The following ROBO2 variants were observed in gnomAD, a reference collection of about 807,000 sequenced individuals.
ROBO2 encodes roundabout homolog 2.
Under a neutral mutation model 160.8 loss-of-function variants are expected in ROBO2, and 53 were observed. The ratio of observed to expected loss-of-function variants is 0.33; its 90% CI spans 0.26 to 0.41. The LOEUF is 0.41. ROBO2 is among the 10% of genes least tolerant of loss of function. ROBO2 has a pLI of 1.00. For missense variants in ROBO2, 1,577 were observed against 1,722.4 expected, an observed-to-expected ratio of 0.92 and a Z score of 1.49; for synonymous variants, 664 against 611.7, an observed-to-expected ratio of 1.09 and a Z score of -1.26.
intron 2 of ROBO2, among the ~76,000 whole-genome samples, chr3:76,918,183 A>G (rs141800495): frequency 1.6e-3 from 247 of 152,292 alleles, no homozygotes; most frequent in African/African-American, 2.5e-3. Context: ...AATAATCCCC[A>G]TGTATCAAGG....
chr3:76,754,574 C>T (rs560866478), intron 2 of ROBO2, among the ~76,000 whole-genome samples: 1 of 151,954 alleles, frequency 6.6e-6, no homozygotes, highest in South Asian at 2.1e-4. Flanking sequence ...AGTCTGATTA[C>T]TTGTGGTAAT....
At chr3:76,047,875 G>A (rs2067503213) in intron 2 of ROBO2, among the ~76,000 whole-genome samples, 1 of 152,090 alleles carries the variant, frequency 6.6e-6, no homozygotes, top group Non-Finnish European at 1.5e-5. Flanking sequence ...ATATCAGTAA[G>A]GTTATCTTAC....
At chr3:76,543,761 A>G (rs987670556) in intron 2 of ROBO2, among the ~76,000 whole-genome samples, 9 of 151,998 alleles carry the variant, frequency 5.9e-5, no homozygotes, top group African/African-American at 2.2e-4. Context: ...AAATACTACC[A>G]CATCTTCTCA....
At chr3:76,117,074 G>A (rs1317754600) in intron 2 of ROBO2, among the ~76,000 whole-genome samples, 1 of 152,142 alleles carries the variant, frequency 6.6e-6, no homozygotes, top group African/African-American at 2.4e-5. Context: ...TTGGCTATTA[G>A]CCAAGACACT....
At chr3:76,932,768 T>C (rs999781118) in intron 2 of ROBO2, among the ~76,000 whole-genome samples, 10 of 152,154 alleles carry the variant, frequency 6.6e-5, no homozygotes, top group African/African-American at 2.4e-4. Context: ...TTTCACATGT[T>C]CACTACCAAC....
intron 1 of ROBO2, among the ~76,000 whole-genome samples, chr3:77,046,907 A>T (rs1232452576): frequency 6.6e-6 from 1 of 150,614 alleles, no homozygotes; most frequent in Non-Finnish European, 1.5e-5. Flanking sequence ...TTGGTAGGGA[A>T]GGTACCAAAT....
chr3:77,158,561 G>C (rs530713026), intron 2 of ROBO2, among the ~76,000 whole-genome samples: 1 of 152,040 alleles, frequency 6.6e-6, no homozygotes, highest in South Asian at 2.1e-4. Flanking sequence ...AATAGGGCCA[G>C]GGGATAAATA....
intron 2 of ROBO2, among the ~76,000 whole-genome samples, chr3:77,349,033 G>C (rs1035473100): frequency 3.9e-5 from 6 of 151,916 alleles, no homozygotes; most frequent in African/African-American, 1.5e-4. Flanking sequence ...TTCCTGCCTT[G>C]CTTCTTCTTC....
intron 2 of ROBO2, among the ~76,000 whole-genome samples, chr3:76,719,663 C>A (rs185282790): frequency 3.3e-5 from 5 of 152,120 alleles, no homozygotes. Context: ...GCGGGTGGAT[C>A]GCCTGAGGTC....
intron 2 of ROBO2, among the ~76,000 whole-genome samples, chr3:76,461,433 G>C (rs1248364798): frequency 6.6e-6 from 1 of 152,004 alleles, no homozygotes; most frequent in Non-Finnish European, 1.5e-5. Flanking sequence ...AATAATAAGA[G>C]TATTAGGAAA....
chr3:77,306,693 T>C (rs2063123723), intron 2 of ROBO2, among the ~76,000 whole-genome samples: 1 of 152,164 alleles, frequency 6.6e-6, no homozygotes, highest in Admixed American at 6.5e-5. Flanking sequence ...CTTATGTCAG[T>C]CCATATATGG....
intron 2 of ROBO2, chr3:76,435,516 T>C: frequency 1.6e-6 from 1 of 633,538 alleles, no homozygotes; most frequent in Non-Finnish European, 2.9e-6. Flanking sequence ...TCCTCTACCT[T>C]GGTGCTCTTA....
intron 2 of ROBO2, among the ~76,000 whole-genome samples, chr3:76,051,569 G>C (rs1044819674): frequency 8.5e-5 from 13 of 152,092 alleles, no homozygotes; most frequent in African/African-American, 3.1e-4. Flanking sequence ...TAATATCACA[G>C]AAAGCATGTC....
rs556001610 is a variant in ROBO2, at chr3:77,616,007, A to C, written c.3294-1506A>C. On this transcript the variant is annotated intron_variant, in intron 21 of 25. Coordinates refer to ENST00000461745, the Ensembl canonical transcript of ROBO2. ...ACCAGAAACTGTATGAGGTGCAAGAAGTAGATAAGAATGACAGCTTTCTTG... is the reference window on the plus strand; with the variant it reads ...ACCAGAAACTGTATGAGGTGCAAGACGTAGATAAGAATGACAGCTTTCTTG... 2.6e-5 allele frequency among the ~76,000 whole-genome samples: 4 copies of C among 152,342 alleles called. No homozygotes were observed. In the South Asian group the frequency reaches 8.3e-4, roughly 32 times the overall value.
intron 2 of ROBO2, among the ~76,000 whole-genome samples, chr3:76,146,697 G>GGT (rs139527329): frequency 0.36 from 48,948 of 136,154 alleles, 8,899 homozygotes; most frequent in East Asian, 0.48. Flanking sequence ...GATTACATAG[G>GGT]GTGTGTGTGT....
intron 2 of ROBO2, among the ~76,000 whole-genome samples, chr3:75,962,095 G>A (rs1490207705): frequency 6.6e-6 from 1 of 151,542 alleles, no homozygotes; most frequent in Non-Finnish European, 1.5e-5. Context: ...GATCTGATGA[G>A]TGACTTTGAG....
At chr3:76,652,479 C>A (rs1410021125) in intron 2 of ROBO2, among the ~76,000 whole-genome samples, 2 of 152,062 alleles carry the variant, frequency 1.3e-5, no homozygotes, top group Non-Finnish European at 2.9e-5. Context: ...CACATTCTGT[C>A]CTCTTTACCT....
chr3:77,626,424 C>T (rs1009867220), intron 23 of ROBO2, among the ~76,000 whole-genome samples: 2 of 152,090 alleles, frequency 1.3e-5, no homozygotes, highest in Non-Finnish European at 2.9e-5. Flanking sequence ...ATAATGCACA[C>T]CTATTTGATT....
intron 2 of ROBO2, among the ~76,000 whole-genome samples, chr3:77,145,685 C>T (rs1238203336): frequency 6.6e-6 from 1 of 152,060 alleles, no homozygotes; most frequent in African/African-American, 2.4e-5. Flanking sequence ...ATGAGATAAT[C>T]GATGGAAAGA....
Sources: allele counts gnomAD v4.1 joint callset (sites outside exome capture counted in the v4.1 genomes callset), GRCh38; gene constraint gnomAD v4.1.1; transcripts MANE v1.5; gene names NCBI Gene and HGNC (gene_info 2026-07-23, HGNC 2026-07-21).